The following TECPR2 variants were observed in gnomAD, a reference collection of about 807,000 sequenced individuals.
TECPR2 encodes tectonin beta-propeller repeat-containing protein 2.
Under a neutral mutation model 138.1 loss-of-function variants are expected in TECPR2, and 65 were observed. The observed-to-expected ratio is 0.47, with a 90% CI of 0.39 to 0.58. The LOEUF (loss-of-function observed/expected upper bound fraction) is 0.58, where lower values mean the gene tolerates loss of function less well. TECPR2 is among the 20% of genes least tolerant of loss of function. TECPR2 has a pLI of 0.00. For synonymous variants in TECPR2, 746 were observed against 749.8 expected, an observed-to-expected ratio of 0.99 and a Z score of 0.08; for missense variants, 1,553 against 1,824.5, an observed-to-expected ratio of 0.85 and a Z score of 2.71.
chr14:102,439,019 G>A (rs970181593), intron 10 of TECPR2, among the ~76,000 whole-genome samples: 8 of 151,812 alleles, frequency 5.3e-5, no homozygotes, highest in East Asian at 1.9e-4. Context: ...CCGCCACCAC[G>A]CCCAGCTAAT....
In TECPR2 at chr14:102,434,140, AT is replaced by A. The variant is rs369136685; in HGVS notation, c.1418-87del. The stretch of plus-strand genomic sequence containing the variant: ...ATTCACCAAATATCCTTTATTTAAA[AT>A]TTTTTTTCTTGAGCCAAAAATATGT... On this transcript the variant is annotated intron_variant, in intron 8 of 19. Transcript: ENST00000359520. 7.4e-4 allele frequency: 877 copies of A among 1,191,598 alleles called. 3 individuals carry two copies. In the African/African-American group the frequency reaches 0.011, roughly 15 times the overall value. The allele number at this position is 1,191,598 out of a possible 1,614,324, so 73.8% of individuals were successfully genotyped here.
intron 8 of TECPR2, among the ~76,000 whole-genome samples, chr14:102,432,799 A>AT (rs777188246): frequency 8.6e-5 from 13 of 151,914 alleles, no homozygotes; most frequent in Non-Finnish European, 1.8e-4. Context: ...AGGTCAAGAG[A>AT]TTGAGACCAT....
At chr14:102,414,581 G>T (rs1342906029) in intron 4 of TECPR2, 55 bp from the exon 5 acceptor site, 4 of 1,601,246 alleles carry the variant, frequency 2.5e-6, no homozygotes, top group East Asian at 4.5e-5. Context: ...TCCTAAGGGA[G>T]GTCCATTCTT....
At chr14:102,406,324 A>G (rs1048367194) in intron 2 of TECPR2, among the ~76,000 whole-genome samples, 6 of 152,156 alleles carry the variant, frequency 3.9e-5, no homozygotes, top group East Asian at 3.9e-4. Context: ...CAAGGCGGGC[A>G]GATCACGAGG....
At chr14:102,408,644 T>C (rs202111126) in intron 4 of TECPR2, 25 bp downstream of exon 4, 1 of 1,591,984 alleles carries the variant, frequency 6.3e-7, no homozygotes, top group Non-Finnish European at 8.5e-7. Flanking sequence ...AGAAATACTG[T>C]TGGCTCTTAC....
At chr14:102,457,869 C>CCTTTTTT (rs1890311719) in intron 16 of TECPR2, among the ~76,000 whole-genome samples, 4 of 102,746 alleles carry the variant, frequency 3.9e-5, no homozygotes, top group African/African-American at 1.6e-4. Context: ...ACTAAATTCC[C>CCTTTTTT]TTTTTTTTTT....
intron 14 of TECPR2, among the ~76,000 whole-genome samples, chr14:102,450,303 A>T (rs1028302091): frequency 6.6e-6 from 1 of 152,098 alleles, no homozygotes; most frequent in Non-Finnish European, 1.5e-5. Context: ...TGTTTCTGTG[A>T]GTGAACCCCT....
chr14:102,479,977 C>A (rs1478885672), intron 17 of TECPR2, among the ~76,000 whole-genome samples: 1 of 152,232 alleles, frequency 6.6e-6, no homozygotes, highest in African/African-American at 2.4e-5. Flanking sequence ...CGGGCAGAAT[C>A]TGTTACTTGC....
Position 102,498,970 on chromosome 14 carries a change from AACACACC to A in TECPR2, c.*718_*724del. 1 of 695,866 alleles carries A rather than the reference AACACACC, an allele frequency of 1.4e-6. No homozygotes were observed. The highest frequency in any genetic ancestry group is 2.6e-6 in the Non-Finnish European group (1 of 381,330). 43.1% of individuals were successfully genotyped at this position (695,866 alleles called of 1,614,324 possible). A position where few individuals can be genotyped will look rare whatever the true frequency, so the allele number is the denominator to read the frequency against. On this transcript the variant is annotated 3_prime_UTR_variant, in exon 20 of 20. Transcript: ENST00000359520. ...CACACCACAGCACACCTCACCACACAACACACCACACCCCACACCGCACTGCACCGCA... is the reference window on the plus strand; with the variant it reads ...CACACCACAGCACACCTCACCACACAACACCCCACACCGCACTGCACCGCA...
intron 17 of TECPR2, among the ~76,000 whole-genome samples, chr14:102,479,540 A>G (rs1226586799): frequency 6.6e-6 from 1 of 152,142 alleles, no homozygotes. Context: ...ACAGGACCCA[A>G]ATGGAGAAGG....
intron 13 of TECPR2, among the ~76,000 whole-genome samples, chr14:102,448,603 C>T (rs891511136): frequency 8.5e-5 from 13 of 152,174 alleles, no homozygotes; most frequent in African/African-American, 2.9e-4. Context: ...TGGTGGCTCA[C>T]ACCTGTAATC....
chr14:102,484,389 G>A lies in TECPR2; in HGVS notation c.3790-12590G>A, dbSNP rs892550542. Reference sequence around the variant, plus strand: ...AAGTTGTGTGTTTTCTGTCTAGTTCGCCTTTTACATGGCAGAGGCTTTCTT... The same window carrying A: ...AAGTTGTGTGTTTTCTGTCTAGTTCACCTTTTACATGGCAGAGGCTTTCTT... On this transcript the variant is annotated intron_variant, in intron 17 of 19. Coordinates refer to ENST00000359520, the MANE Select transcript of TECPR2 (RefSeq NM_014844.5). 3.9e-5 allele frequency among the ~76,000 whole-genome samples: 6 copies of A among 152,038 alleles called. No homozygotes were observed. The East Asian group carries it at 5.8e-4, about 15-fold the overall frequency.
In TECPR2 at chr14:102,434,442, C is replaced by T. The variant is rs760237408; in HGVS notation, c.1625C>T (p.Thr542Ile). 5.9e-6 allele frequency: 9 copies of T among 1,535,546 alleles called. No homozygotes were observed. In the Admixed American group the frequency reaches 6.4e-5, roughly 11 times the overall value. ...GEVNGVPQENTDPETFNVLEV... is the reference protein window; with the variant it reads ...GEVNGVPQENIDPETFNVLEV... ...GTGAACGGTGTCCCACAGGAAAATACTGACCCCGAAACGTTTAATGTCCTG... is the reference window on the plus strand; with the variant it reads ...GTGAACGGTGTCCCACAGGAAAATATTGACCCCGAAACGTTTAATGTCCTG... Residue 542 changes from threonine (T) to isoleucine (I), a missense_variant, in exon 9 of 20, where the codon ACT becomes ATT. Transcript: ENST00000359520.
At chr14:102,428,215 G>GTTTTTTTTTTTTTT (rs375843791) in intron 6 of TECPR2, 35 bp from the exon 7 acceptor site, 40 of 1,309,918 alleles carry the variant, frequency 3.1e-5, no homozygotes, top group Admixed American at 7.1e-5. Flanking sequence ...TTAGTTTTGT[G>GTTTTTTTTTTTTTT]TTTTTTGTTT....
At chr14:102,402,183 T>C (rs1289292605) in intron 2 of TECPR2, among the ~76,000 whole-genome samples, 2 of 152,194 alleles carry the variant, frequency 1.3e-5, no homozygotes, top group Admixed American at 6.6e-5. Context: ...TTTTAAAAGA[T>C]ATACAAAGTA....
At chr14:102,488,525 G>T (rs960241417) in intron 17 of TECPR2, among the ~76,000 whole-genome samples, 1 of 150,998 alleles carries the variant, frequency 6.6e-6, no homozygotes, top group African/African-American at 2.4e-5. Context: ...TTTTTTTTTA[G>T]TAGAGACGAG....
At chr14:102,435,299 G>A (rs1338408699) in intron 9 of TECPR2, 88 bp downstream of exon 9, 62 of 1,488,400 alleles carry the variant, frequency 4.2e-5, no homozygotes, top group Non-Finnish European at 5.4e-5. Context: ...CCTTCTCATG[G>A]AAAGAAATTC....
At chr14:102,400,692 A>G (rs1271179408) in intron 2 of TECPR2, among the ~76,000 whole-genome samples, 1 of 152,214 alleles carries the variant, frequency 6.6e-6, no homozygotes, top group Admixed American at 6.5e-5. Flanking sequence ...ACACAGGAGT[A>G]GACAGTAATG....
At chr14:102,448,293 G>A (rs1400413574) in intron 13 of TECPR2, among the ~76,000 whole-genome samples, 2 of 152,192 alleles carry the variant, frequency 1.3e-5, no homozygotes, top group African/African-American at 4.8e-5. Context: ...GATGTTTTAT[G>A]TAATCAAACC....
Sources: gnomAD v4.1 joint callset for allele counts (sites outside exome capture counted in the v4.1 genomes callset) on GRCh38, gnomAD v4.1.1 for gene constraint, MANE v1.5 for transcripts, NCBI Gene and HGNC (gene_info 2026-07-23, HGNC 2026-07-21) for gene names.